The following CNTNAP2 variants were observed in gnomAD, a reference collection of about 807,000 sequenced individuals.
CNTNAP2 encodes the protein contactin associated protein 2, also known as contactin-associated protein-like 2.
In CNTNAP2, 98 loss-of-function variants were observed where a neutral mutation model predicts 155.2. That is an observed-to-expected ratio of 0.63 (90% confidence interval 0.54 to 0.75). The LOEUF is 0.75. Ranked by LOEUF, CNTNAP2 falls within the 30% of genes least tolerant of loss-of-function variation. The pLI is 0.00. For synonymous variants in CNTNAP2, 651 were observed against 631.2 expected, an observed-to-expected ratio of 1.03 and a Z score of -0.47; for missense variants, 1,727 against 1,688.1, an observed-to-expected ratio of 1.02 and a Z score of -0.40.
intron 1 of CNTNAP2, among the ~76,000 whole-genome samples, chr7:146,635,519 A>G (rs773056412): frequency 5.3e-5 from 8 of 152,168 alleles, no homozygotes; most frequent in Non-Finnish European, 8.8e-5. Flanking sequence ...ACACTAAACC[A>G]TAAAACATCT....
At chr7:146,923,296 A>G (rs143505920) in intron 3 of CNTNAP2, among the ~76,000 whole-genome samples, 1 of 152,200 alleles carries the variant, frequency 6.6e-6, no homozygotes, top group Non-Finnish European at 1.5e-5. Context: ...TTTACTTAAC[A>G]CATGTTCACT....
Position 146,665,784 on chromosome 7 carries a change from A to AAAAAAAAAAAAAC in CNTNAP2, c.98-108475_98-108474insCAAAAAAAAAAAA. 2.4e-5 allele frequency among the ~76,000 whole-genome samples: 2 copies of AAAAAAAAAAAAAC among 82,204 alleles called. 1 individual carries two copies. The highest frequency in any genetic ancestry group is 5.4e-5 in the Non-Finnish European group (2 of 36,716). The allele number at this position is 82,204 out of a possible 152,430, so 53.9% of individuals were successfully genotyped here. On this transcript the variant is annotated intron_variant, in intron 1 of 23. Transcript: ENST00000361727. ...CTATGGAGTGAGACTCTGTCTCATT[A>AAAAAAAAAAAAAC]AAAAAAAAAAAAAATACATTTTGTA...
chr7:147,414,671 G>A (rs897101990), intron 10 of CNTNAP2, among the ~76,000 whole-genome samples: 2 of 151,870 alleles, frequency 1.3e-5, no homozygotes, highest in African/African-American at 4.8e-5. Flanking sequence ...CCCAGGTGCG[G>A]TGGCTCACGC....
chr7:146,402,168 G>A (rs1195473610), intron 1 of CNTNAP2, among the ~76,000 whole-genome samples: 3 of 152,088 alleles, frequency 2.0e-5, no homozygotes, highest in African/African-American at 7.2e-5. Flanking sequence ...TAATAGATGA[G>A]TGTGCGTTCA....
chr7:147,733,470 T>C (rs1796781545), intron 13 of CNTNAP2, among the ~76,000 whole-genome samples: 1 of 152,220 alleles, frequency 6.6e-6, no homozygotes. Context: ...TCCAGCTTTG[T>C]TCTTTTGGCT....
At chr7:148,365,645 A>G (rs191242440) in intron 21 of CNTNAP2, among the ~76,000 whole-genome samples, 32 of 150,756 alleles carry the variant, frequency 2.1e-4, no homozygotes, top group Non-Finnish European at 1.2e-4. Flanking sequence ...AGCCTGGGCA[A>G]AAGAGTGAGA....
chr7:147,836,439 G>A (rs966458486), intron 13 of CNTNAP2, among the ~76,000 whole-genome samples: 3 of 151,622 alleles, frequency 2.0e-5, no homozygotes, highest in Non-Finnish European at 4.4e-5. Flanking sequence ...CTCCTCCTTT[G>A]GCTGGCACAC....
Position 147,051,180 on chromosome 7 carries a change from A to ATATG in CNTNAP2, c.550+7130_550+7133dup, listed in dbSNP as rs1308039517. ...TAAACACAATATTATATATACATAT[A>ATATG]TATGTATATATATATATATATATAA... On this transcript the variant is annotated intron_variant, in intron 4 of 23. Coordinates refer to ENST00000361727, the MANE Select transcript of CNTNAP2 (RefSeq NM_014141.6). Among the ~76,000 whole-genome samples the ATATG allele has an allele frequency of 4.3e-4, 52 of 121,832 alleles. 1 individual carries two copies. The highest frequency in any genetic ancestry group is 7.8e-3 in the Middle Eastern group (2 of 256). The allele number at this position is 121,832 out of a possible 152,430, so 79.9% of individuals were successfully genotyped here.
intron 13 of CNTNAP2, among the ~76,000 whole-genome samples, chr7:147,851,934 A>T (rs1798950758): frequency 6.6e-6 from 1 of 151,956 alleles, no homozygotes; most frequent in African/African-American, 2.4e-5. Context: ...ATAATAAATT[A>T]TTTTTCTGAT....
At chr7:147,870,033 A>G (rs1328616122) in intron 13 of CNTNAP2, among the ~76,000 whole-genome samples, 1 of 152,218 alleles carries the variant, frequency 6.6e-6, no homozygotes, top group African/African-American at 2.4e-5. Context: ...TCCATTTAAC[A>G]GGTGAATGAC....
chr7:147,737,243 C>T (rs1259114657), intron 13 of CNTNAP2, among the ~76,000 whole-genome samples: 2 of 152,180 alleles, frequency 1.3e-5, no homozygotes, highest in African/African-American at 4.8e-5. Context: ...CTTCTAACAG[C>T]CAGGACCCTC....
intron 13 of CNTNAP2, among the ~76,000 whole-genome samples, chr7:147,902,801 T>C (rs1323201835): frequency 5.4e-5 from 7 of 129,750 alleles, no homozygotes; most frequent in African/African-American, 1.7e-4. Context: ...TGTGTGTGTG[T>C]GTGTGTGTGT....
At chr7:147,581,829 A>C (rs1267030548) in intron 12 of CNTNAP2, among the ~76,000 whole-genome samples, 11 of 152,226 alleles carry the variant, frequency 7.2e-5, no homozygotes, top group Admixed American at 5.2e-4. Context: ...CAGAGAACTT[A>C]TACATAGTAG....
At chr7:147,716,657 G>A (rs7793121) in intron 13 of CNTNAP2, among the ~76,000 whole-genome samples, 2,385 of 152,162 alleles carry the variant, frequency 0.016, 64 homozygotes, top group African/African-American at 0.055. Context: ...GGCATCCCCC[G>A]TGCAAGCTTC....
intron 3 of CNTNAP2, among the ~76,000 whole-genome samples, chr7:146,964,939 C>T (rs1261601833): frequency 2.6e-5 from 4 of 151,570 alleles, no homozygotes; most frequent in South Asian, 2.1e-4. Flanking sequence ...TGTTGAGAAT[C>T]GTTTAGGAAA....
At chr7:147,304,257 G>T (rs1291403761) in intron 9 of CNTNAP2, among the ~76,000 whole-genome samples, 1 of 151,710 alleles carries the variant, frequency 6.6e-6, no homozygotes, top group African/African-American at 2.4e-5. Context: ...TCCGTTATTT[G>T]GCATGTTTCT....
chr7:146,541,786 C>T (rs1797956881), intron 1 of CNTNAP2, among the ~76,000 whole-genome samples: 1 of 151,966 alleles, frequency 6.6e-6, no homozygotes, highest in Non-Finnish European at 1.5e-5. Context: ...CACATTATGT[C>T]ATAAAGGCAA....
chr7:147,720,795 G>A (rs1271246928), intron 13 of CNTNAP2, among the ~76,000 whole-genome samples: 1 of 152,042 alleles, frequency 6.6e-6, no homozygotes, highest in African/African-American at 2.4e-5. Context: ...CTGTGAGTTA[G>A]TTAAACCTCT....
intron 13 of CNTNAP2, among the ~76,000 whole-genome samples, chr7:147,805,073 T>A (rs1324822796): frequency 6.8e-6 from 1 of 146,238 alleles, no homozygotes. Flanking sequence ...TGATTCAATA[T>A]CATTTTTTTT....
Sources: allele counts gnomAD v4.1 joint callset (sites outside exome capture counted in the v4.1 genomes callset), GRCh38; gene constraint gnomAD v4.1.1; transcripts MANE v1.5; gene names NCBI Gene and HGNC (gene_info 2026-07-23, HGNC 2026-07-21).